PDZRN4: variants seen among roughly 807,000 people sequenced by gnomAD.
The protein encoded by PDZRN4 is PDZ domain containing ring finger 4.
Under a neutral mutation model 99.0 loss-of-function variants are expected in PDZRN4, and 70 were observed. That is an observed-to-expected ratio of 0.71 (90% CI 0.58 to 0.86). The LOEUF (loss-of-function observed/expected upper bound fraction) is 0.86. Ranked by LOEUF, PDZRN4 falls within the 40% of genes least tolerant of loss-of-function variation. PDZRN4 has a pLI of 0.00. For missense variants in PDZRN4, 1,474 were observed against 1,331.2 expected (o/e 1.11, Z -1.67); for synonymous variants, 551 against 501.6 (o/e 1.10, Z -1.32).
intron 3 of PDZRN4, among the ~76,000 whole-genome samples, chr12:41,355,308 G>A (rs1009738465): frequency 6.6e-6 from 1 of 152,026 alleles, no homozygotes; most frequent in African/African-American, 2.4e-5. Context: ...GTGGGGCGGT[G>A]ATGACACATT....
intron 5 of PDZRN4, among the ~76,000 whole-genome samples, chr12:41,538,620 A>G (rs1381211773): frequency 2.0e-5 from 3 of 152,170 alleles, no homozygotes; most frequent in Non-Finnish European, 4.4e-5. Flanking sequence ...TCCACTCTTT[A>G]AAGGCCCAAG....
At chr12:41,233,319 A>T (rs945370494) in intron 3 of PDZRN4, among the ~76,000 whole-genome samples, 1 of 152,144 alleles carries the variant, frequency 6.6e-6, no homozygotes, top group African/African-American at 2.4e-5. Context: ...GAGAAATAGG[A>T]ACACTTTTAC....
At chr12:41,430,786 T>C (rs1952580427) in intron 3 of PDZRN4, among the ~76,000 whole-genome samples, 1 of 152,174 alleles carries the variant, frequency 6.6e-6, no homozygotes, top group Non-Finnish European at 1.5e-5. Context: ...TATAAAGAAA[T>C]ACTTGAGACT....
At chr12:41,399,871 T>C (rs1952277344) in intron 3 of PDZRN4, among the ~76,000 whole-genome samples, 1 of 152,134 alleles carries the variant, frequency 6.6e-6, no homozygotes, top group African/African-American at 2.4e-5. Context: ...ATCCAATCAC[T>C]TCTGTTTATG....
intron 3 of PDZRN4, among the ~76,000 whole-genome samples, chr12:41,371,470 G>A (rs189243401): frequency 7.4e-4 from 113 of 151,874 alleles, no homozygotes; most frequent in African/African-American, 2.7e-3. Context: ...ACAAATTTCT[G>A]GTTCATGTAA....
chr12:41,486,701 G>A (rs935232918), intron 3 of PDZRN4, among the ~76,000 whole-genome samples: 3 of 152,100 alleles, frequency 2.0e-5, no homozygotes, highest in Non-Finnish European at 4.4e-5. Flanking sequence ...AGTAAGAAAA[G>A]GGGGGAGAGC....
chr12:41,381,661 T>C (rs1057470826), intron 3 of PDZRN4, among the ~76,000 whole-genome samples: 1 of 152,212 alleles, frequency 6.6e-6, no homozygotes, highest in Non-Finnish European at 1.5e-5. Context: ...TTAATTTCCA[T>C]GTTTTCTTGT....
At chr12:41,502,725 A>T (rs1938132655) in intron 3 of PDZRN4, among the ~76,000 whole-genome samples, 1 of 152,104 alleles carries the variant, frequency 6.6e-6, no homozygotes, top group Non-Finnish European at 1.5e-5. Context: ...ACTATATGTC[A>T]TCCGTACAAG....
Position 41,564,773 on chromosome 12 carries a change from A to G in PDZRN4, c.1467+1124A>G, listed in dbSNP as rs536857674. 6.6e-5 allele frequency among the ~76,000 whole-genome samples: 10 copies of G among 152,280 alleles called. No individual in the cohort carries two copies. In the East Asian group the frequency reaches 1.7e-3, roughly 26 times the overall value. ...ACTGCCTATGTGGGAGTGAATTTTT[A>G]AATACATATGAAATTATACCAATTA... On this transcript the variant is annotated intron_variant, in intron 8 of 9. Transcript: ENST00000402685.
Position 41,390,274 on chromosome 12 carries a change from A to AAC in PDZRN4, c.844-116180_844-116179dup, listed in dbSNP as rs1457959450. On this transcript the variant is annotated intron_variant, in intron 3 of 9. Transcript: ENST00000402685. ...ATTTATAAACACAATGAGTATAAAA[A>AAC]ACAACTTTTTATGTTCAAATGAATA... 5.9e-5 allele frequency among the ~76,000 whole-genome samples: 9 copies of AAC among 152,254 alleles called. No homozygotes were observed. The East Asian group carries it at 1.7e-3, about 29-fold the overall frequency.
At chr12:41,201,605 A>G (rs1045097904) in intron 3 of PDZRN4, among the ~76,000 whole-genome samples, 63 of 152,062 alleles carry the variant, frequency 4.1e-4, no homozygotes, top group Admixed American at 4.1e-3. Context: ...GAATGGATGA[A>G]TCTCAAGGTC....
chr12:41,572,262 T>C (rs969240729), intron 9 of PDZRN4, 102 bp from the exon 10 acceptor site: 1 of 942,774 alleles, frequency 1.1e-6, no homozygotes, highest in Non-Finnish European at 1.6e-6. Context: ...GTCTAGGAGA[T>C]GCAACTTTGC....
At chr12:41,338,871 A>T (rs1327135267) in intron 3 of PDZRN4, among the ~76,000 whole-genome samples, 1 of 152,112 alleles carries the variant, frequency 6.6e-6, no homozygotes, top group Non-Finnish European at 1.5e-5. Flanking sequence ...AAACATAACC[A>T]AAACAGTGAA....
chr12:41,411,711 C>G (rs949473753), intron 3 of PDZRN4: 1 of 152,192 alleles, frequency 6.6e-6, no homozygotes, highest in Admixed American at 6.5e-5. Context: ...TAAAATACAT[C>G]AAAAGGCATT....
At chr12:41,530,275 T>C (rs2120736604) in intron 5 of PDZRN4, among the ~76,000 whole-genome samples, 1 of 152,388 alleles carries the variant, frequency 6.6e-6, no homozygotes, top group African/African-American at 2.4e-5. Context: ...TGTTTATTAT[T>C]ATCTTGTTTA....
chr12:41,358,913 C>T (rs1951946779), intron 3 of PDZRN4, among the ~76,000 whole-genome samples: 1 of 151,958 alleles, frequency 6.6e-6, no homozygotes, highest in South Asian at 2.1e-4. Context: ...CCATTACTAA[C>T]ATTTCTGAAA....
intron 3 of PDZRN4, among the ~76,000 whole-genome samples, chr12:41,267,390 T>C (rs1429734551): frequency 1.3e-5 from 2 of 152,056 alleles, no homozygotes; most frequent in African/African-American, 2.4e-5. Flanking sequence ...ATGCCATTCC[T>C]ATATCTGGAA....
intron 3 of PDZRN4, among the ~76,000 whole-genome samples, chr12:41,347,683 A>G (rs930243662): frequency 6.6e-6 from 1 of 152,066 alleles, no homozygotes; most frequent in African/African-American, 2.4e-5. Context: ...TTTGTTACTT[A>G]TGCTTTAGGT....
chr12:41,255,413 G>GC (rs137870265), intron 3 of PDZRN4, among the ~76,000 whole-genome samples: 1,811 of 151,564 alleles, frequency 0.012, 48 homozygotes, highest in East Asian at 0.1. Flanking sequence ...AGAAAGTTTT[G>GC]TTTTTTTTGT....
Sources: allele counts gnomAD v4.1 joint callset (sites outside exome capture counted in the v4.1 genomes callset), GRCh38; gene constraint gnomAD v4.1.1; transcripts MANE v1.5; gene names NCBI Gene and HGNC (gene_info 2026-07-23, HGNC 2026-07-21).